The following DOT1L variants were observed in gnomAD, a reference collection of about 807,000 sequenced individuals.
DOT1L encodes histone-lysine N-methyltransferase, H3 lysine-79 specific.
DOT1L carries 33 observed loss-of-function variants against 153.3 expected under a neutral mutation model. The observed-to-expected ratio is 0.22, with a 90% CI of 0.16 to 0.29. The LOEUF is 0.29. Among genes scored for constraint, DOT1L ranks in the 10% least tolerant of loss-of-function variants. DOT1L has a pLI of 1.00. For missense variants in DOT1L, 1,847 were observed against 2,119.9 expected (o/e 0.87, Z 2.53); for synonymous variants, 1,135 against 965.1 (o/e 1.18, Z -3.26).
At chr19:2,205,937 G>C (rs939910017) in intron 9 of DOT1L, among the ~76,000 whole-genome samples, 1 of 151,908 alleles carries the variant, frequency 6.6e-6, no homozygotes, top group Admixed American at 6.5e-5. Context: ...CAGTCTGCCC[G>C]CCTTGGCCTC....
chr19:2,211,355 C>T, intron 15 of DOT1L, 143 bp downstream of exon 15: 1 of 738,066 alleles, frequency 1.4e-6, no homozygotes, highest in Non-Finnish European at 2.2e-6. Flanking sequence ...TTGGGGTCTG[C>T]CTGCTGCAGG....
Position 2,209,053 on chromosome 19 carries a change from CG to C in DOT1L, c.1005+80del, listed in dbSNP as rs1380088686. ...GGGGAAATGCAAAGCCGTGCGCAGC[CG>C]GGTTCAGGAGCCACGACTGGAGCAC... On this transcript the variant is annotated intron_variant, in intron 12 of 27. Coordinates refer to ENST00000398665, the MANE Select transcript of DOT1L (RefSeq NM_032482.3). 2.0e-6 allele frequency: 3 copies of C among 1,529,698 alleles called. No homozygotes were observed. In the East Asian group the frequency reaches 7.0e-5, roughly 36 times the overall value. 94.8% of individuals were successfully genotyped at this position (1,529,698 alleles called of 1,614,324 possible). A position where few individuals can be genotyped will look rare whatever the true frequency, so the allele number is the denominator to read the frequency against.
chr19:2,228,377 T>C, intron 27 of DOT1L: 1 of 1,295,628 alleles, frequency 7.7e-7, no homozygotes, highest in Middle Eastern at 2.2e-4. Context: ...GTGCGTATTG[T>C]GTAAGGTAAG....
rs1042819173 is a variant in DOT1L at position 2,230,167 on chromosome 19, C to G, written c.*375C>G. On this transcript the variant is annotated 3_prime_UTR_variant, in exon 28 of 28. Coordinates refer to ENST00000398665, the MANE Select transcript of DOT1L (RefSeq NM_032482.3). ...TCGCCACAGCCTGCCCCGGTGCTATCTCGTCCCCAGGCCCGCGCCTGCCTC... is the reference window on the plus strand; with the variant it reads ...TCGCCACAGCCTGCCCCGGTGCTATGTCGTCCCCAGGCCCGCGCCTGCCTC... 6.1e-6 allele frequency: 3 copies of G among 490,132 alleles called. No homozygotes were observed. The highest frequency in any genetic ancestry group is 2.0e-5 in the African/African-American group (1 of 49,696). 30.4% of individuals were successfully genotyped at this position (490,132 alleles called of 1,614,324 possible).
chr19:2,220,304 G>A lies in DOT1L; in HGVS notation c.2806+82G>A. The A allele has an allele frequency of 7.3e-7, 1 of 1,367,296 alleles. No homozygotes were observed. The highest frequency in any genetic ancestry group is 1.0e-6 in the Non-Finnish European group (1 of 986,070). The allele number at this position is 1,367,296 out of a possible 1,614,324, so 84.7% of individuals were successfully genotyped here. On this transcript the variant is annotated intron_variant, in intron 23 of 27. Coordinates refer to ENST00000398665, the MANE Select transcript of DOT1L (RefSeq NM_032482.3). The surrounding 1 kb of genome is among the most constrained non-coding windows in gnomAD (Gnocchi z 4.5). The stretch of plus-strand genomic sequence containing the variant: ...GCAGGAGGGCTGGGTTGCTGGGAGT[G>A]GAACAGGGCTTCCTGGGGTGATCAT...
At chr19:2,181,375 G>C (rs2022223363) in intron 2 of DOT1L, among the ~76,000 whole-genome samples, 1 of 152,122 alleles carries the variant, frequency 6.6e-6, no homozygotes, top group Non-Finnish European at 1.5e-5. Flanking sequence ...TTAGCATACT[G>C]GGCTGTGAGG....
chr19:2,196,811 G>T (rs1276312354), intron 7 of DOT1L, among the ~76,000 whole-genome samples: 1 of 152,206 alleles, frequency 6.6e-6, no homozygotes, highest in South Asian at 2.1e-4. Flanking sequence ...CCCTGGTCTT[G>T]GCGGTCAGCT....
intron 2 of DOT1L, among the ~76,000 whole-genome samples, chr19:2,184,086 CCGTG>C (rs1156253548): frequency 6.6e-6 from 1 of 152,196 alleles, no homozygotes; most frequent in Non-Finnish European, 1.5e-5. Flanking sequence ...TGAGTGAAGA[CCGTG>C]CGGCCGCTCC....
chr19:2,214,775 G>A, intron 19 of DOT1L, 179 bp downstream of exon 19: 2 of 911,156 alleles, frequency 2.2e-6, no homozygotes, highest in Non-Finnish European at 3.1e-6. Flanking sequence ...CCGTGTGGAT[G>A]ACTCTGCCTC....
At position 2,220,508 on chromosome 19, in the gene DOT1L, C is replaced by T. The variant is rs530244334; in HGVS notation, c.2806+286C>T. 4.0e-5 allele frequency: 20 copies of T among 506,272 alleles called. No individual in the cohort carries two copies. Among genetic ancestry groups the T allele is most frequent in the East Asian group, 2.5e-4 (5 of 19,740 alleles). The allele number at this position is 506,272 out of a possible 1,614,324, so 31.4% of individuals were successfully genotyped here. ...CCCGTGAGGTCGGCCCCAGTGCTCT[C>T]GGGGGCTCCTGTACTCACAGCTGGG... On this transcript the variant is annotated intron_variant, in intron 23 of 27. Coordinates refer to ENST00000398665, the MANE Select transcript of DOT1L (RefSeq NM_032482.3). This position sits in a 1 kb window ranked among gnomAD's most constrained non-coding sequence, Gnocchi z 4.5.
At chr19:2,228,109 C>G (rs142768197) in intron 27 of DOT1L, 6 of 1,357,804 alleles carry the variant, frequency 4.4e-6, no homozygotes, top group Non-Finnish European at 5.9e-6. Flanking sequence ...TTGCCCCCCA[C>G]CTCTGCTGCC....
intron 27 of DOT1L, chr19:2,229,463 C>T (rs568057040): frequency 4.1e-6 from 4 of 985,314 alleles, no homozygotes; most frequent in South Asian, 4.7e-5. Flanking sequence ...AATGCGGGCA[C>T]CTGCGGGCTG....
In DOT1L at chr19:2,227,085, G is replaced by A. The variant is rs759654625; in HGVS notation, c.4564G>A (p.Ala1522Thr). The A allele has an allele frequency of 1.0e-5, 16 of 1,562,152 alleles. No homozygotes were observed. In the East Asian group the frequency reaches 3.4e-4, roughly 34 times the overall value. Residue 1522 changes from alanine to threonine, a missense_variant, in exon 27 of 28, where the codon GCC becomes ACC. By Grantham distance (58) the Ala-to-Thr change is moderately conservative (BLOSUM62 0). This residue lies in a region of DOT1L where 934 missense variants were observed against 825.3 expected (regional missense o/e 1.13). Transcript: ENST00000398665. ...SAATRLTNSH[A>T]MGSFSGVAGG... ...TGCCACCAGACTGACCAACTCGCAC[G>A]CCATGGGCAGCTTTTCCGGGGTGGC...
chr19:2,179,285 G>A (rs371814715), intron 1 of DOT1L, among the ~76,000 whole-genome samples: 11 of 152,288 alleles, frequency 7.2e-5, no homozygotes, highest in African/African-American at 2.4e-4. Flanking sequence ...CTTGTGTTTC[G>A]TCAGGTGGTG....
chr19:2,176,707 C>CA (rs1255820814), intron 1 of DOT1L, among the ~76,000 whole-genome samples: 1 of 152,216 alleles, frequency 6.6e-6, no homozygotes, highest in Non-Finnish European at 1.5e-5. Context: ...ACCACAGCTG[C>CA]AAACACTGCC....
chr19:2,210,875 C>T lies in DOT1L; in HGVS notation c.1351+20C>T, dbSNP rs769930258. The T allele has an allele frequency of 2.1e-5, 33 of 1,609,398 alleles. No individual in the cohort carries two copies. The highest frequency in any genetic ancestry group is 9.9e-5 in the South Asian group (9 of 90,818). ...CCCAGGGTGAGCCGCCCCCACGCCA[C>T]GGCCCCCGCTCTCCCCGAGTGCGGA... On this transcript the variant is annotated intron_variant, in intron 14 of 27. Transcript: ENST00000398665.
chr19:2,181,222 C>T (rs1382199970), intron 2 of DOT1L, among the ~76,000 whole-genome samples: 2 of 152,228 alleles, frequency 1.3e-5, no homozygotes, highest in Non-Finnish European at 2.9e-5. Context: ...CTCTGGGTGC[C>T]TCTCTGCTGC....
chr19:2,227,161 C>T (rs1319847595), intron 27 of DOT1L, 34 bp downstream of exon 27: 6 of 1,571,200 alleles, frequency 3.8e-6, no homozygotes, highest in South Asian at 2.3e-5. Flanking sequence ...GCCCCCCGCC[C>T]CGGCCCCCGC....
In DOT1L at chr19:2,206,712, C is replaced by G; in HGVS notation, c.788-17C>G. On this transcript the variant is annotated splice_polypyrimidine_tract_variant and intron_variant, in intron 9 of 27. Transcript: ENST00000398665. ...TTCCTCTCTCCTGTGTGGCAGTAAG[C>G]AGTGTCTGTGTTTCAGGTGGCAGAA... is the stretch of plus-strand genomic sequence containing the variant. The G allele has an allele frequency of 1.2e-6, 2 of 1,613,490 alleles. No homozygotes were observed. Among genetic ancestry groups the G allele is most frequent in the Non-Finnish European group, 1.7e-6 (2 of 1,179,604 alleles).
Sources: allele counts gnomAD v4.1 joint callset (sites outside exome capture counted in the v4.1 genomes callset), GRCh38; gene constraint gnomAD v4.1.1; regional missense constraint gnomAD v4.1.1; non-coding constraint Gnocchi (gnomAD v3.1); transcripts MANE v1.5; gene names NCBI Gene and HGNC (gene_info 2026-07-23, HGNC 2026-07-21).